The following NRG3 variants were observed in gnomAD, a reference collection of about 807,000 sequenced individuals.
The protein encoded by NRG3 is neuregulin 3.
NRG3 carries 31 observed loss-of-function variants against 66.9 expected under a neutral mutation model. The ratio of observed to expected loss-of-function variants is 0.46; its 90% CI spans 0.35 to 0.63. NRG3 has a LOEUF of 0.63. NRG3 is among the 20% of genes least tolerant of loss of function. NRG3 has a pLI of 0.00. For missense variants in NRG3, 910 were observed against 878.9 expected, an observed-to-expected ratio of 1.04 and a Z score of -0.45; for synonymous variants, 393 against 359.4, an observed-to-expected ratio of 1.09 and a Z score of -1.06.
chr10:82,981,554 G>C (rs1050322387), intron 8 of NRG3, among the ~76,000 whole-genome samples: 1 of 152,308 alleles, frequency 6.6e-6, no homozygotes, highest in South Asian at 2.1e-4. Flanking sequence ...GAATTTGCAA[G>C]AGCCATCAGC....
chr10:82,381,626 A>T (rs527374823), intron 2 of NRG3, among the ~76,000 whole-genome samples: 1 of 151,950 alleles, frequency 6.6e-6, no homozygotes, highest in Non-Finnish European at 1.5e-5. Flanking sequence ...TCAATATTTT[A>T]CTCTATTTGT....
intron 2 of NRG3, among the ~76,000 whole-genome samples, chr10:82,458,628 A>G (rs2091377047): frequency 6.6e-6 from 1 of 152,230 alleles, no homozygotes; most frequent in African/African-American, 2.4e-5. Context: ...GAAGGACACA[A>G]AGAACAGTGA....
At chr10:82,470,745 G>A (rs1451842387) in intron 2 of NRG3, among the ~76,000 whole-genome samples, 1 of 152,200 alleles carries the variant, frequency 6.6e-6, no homozygotes, top group Non-Finnish European at 1.5e-5. Flanking sequence ...TCCTGCCTGG[G>A]TTCAGCTCAG....
intron 4 of NRG3, among the ~76,000 whole-genome samples, chr10:82,894,574 G>A (rs1269005413): frequency 8.2e-6 from 1 of 121,418 alleles, no homozygotes; most frequent in Non-Finnish European, 1.8e-5. Flanking sequence ...TGTACTTAGA[G>A]TCCTTTAACT....
intron 2 of NRG3, among the ~76,000 whole-genome samples, chr10:82,706,780 T>A (rs75806333): frequency 0.051 from 7,701 of 151,996 alleles, 229 homozygotes; most frequent in South Asian, 0.086. Context: ...GATCACTTGA[T>A]GTCAGGGGTT....
chr10:82,271,916 C>T (rs558909620), intron 1 of NRG3, among the ~76,000 whole-genome samples: 1 of 152,002 alleles, frequency 6.6e-6, no homozygotes, highest in Non-Finnish European at 1.5e-5. Context: ...TTTATTCGTT[C>T]AACAAATATT....
At chr10:82,330,477 A>T (rs996686655) in intron 1 of NRG3, among the ~76,000 whole-genome samples, 1 of 152,028 alleles carries the variant, frequency 6.6e-6, no homozygotes, top group Non-Finnish European at 1.5e-5. Context: ...CCACTGTATG[A>T]CTCCAAATGT....
At chr10:82,163,723 G>GC (rs2071792693) in intron 1 of NRG3, among the ~76,000 whole-genome samples, 1 of 152,094 alleles carries the variant, frequency 6.6e-6, no homozygotes, top group African/African-American at 2.4e-5. Context: ...CCTGATTGAG[G>GC]CTAGGACCTT....
At chr10:82,107,089 A>G (rs1355830949) in intron 1 of NRG3, among the ~76,000 whole-genome samples, 1 of 152,178 alleles carries the variant, frequency 6.6e-6, no homozygotes, top group East Asian at 1.9e-4. Flanking sequence ...TATTTGAAAT[A>G]TTTTGGGACC....
chr10:81,936,042 C>T (rs1327017263), intron 1 of NRG3, among the ~76,000 whole-genome samples: 1 of 151,998 alleles, frequency 6.6e-6, no homozygotes, highest in Non-Finnish European at 1.5e-5. Flanking sequence ...TATGGTCCTG[C>T]CTGTGTTCAC....
chr10:82,326,830 A>C (rs1309083371), intron 1 of NRG3, among the ~76,000 whole-genome samples: 1 of 152,116 alleles, frequency 6.6e-6, no homozygotes, highest in Non-Finnish European at 1.5e-5. Context: ...ATCACCTTTA[A>C]TGTATGTAAT....
chr10:82,699,906 C>G (rs892677550), intron 2 of NRG3, among the ~76,000 whole-genome samples: 2 of 151,790 alleles, frequency 1.3e-5, no homozygotes, highest in African/African-American at 4.8e-5. Flanking sequence ...AGCATGATTT[C>G]TAACATACAC....
At chr10:82,389,517 C>A (rs2086216560) in intron 2 of NRG3, among the ~76,000 whole-genome samples, 1 of 152,102 alleles carries the variant, frequency 6.6e-6, no homozygotes, top group African/African-American at 2.4e-5. Context: ...CAACAAGTAT[C>A]CCACATATAT....
At chr10:82,176,652 C>T (rs986495934) in intron 1 of NRG3, among the ~76,000 whole-genome samples, 1 of 152,050 alleles carries the variant, frequency 6.6e-6, no homozygotes, top group Non-Finnish European at 1.5e-5. Context: ...GTACCTTCTG[C>T]ACTCTACAGG....
At chr10:82,191,830 TAAG>T (rs1374348844) in intron 1 of NRG3, among the ~76,000 whole-genome samples, 4 of 152,182 alleles carry the variant, frequency 2.6e-5, no homozygotes, top group Non-Finnish European at 5.9e-5. Flanking sequence ...TGTGACCCAC[TAAG>T]AAGGATTGAT....
intron 1 of NRG3, among the ~76,000 whole-genome samples, chr10:81,904,942 C>T (rs1844441997): frequency 1.3e-5 from 2 of 151,922 alleles, no homozygotes; most frequent in South Asian, 2.1e-4. Flanking sequence ...GCAGTAAGTG[C>T]TGAAAAAAAT....
rs1403681204 is a variant in NRG3, at chr10:82,985,624, G to C, written c.*19G>C. ...CAAGTGACTTGAGATGTAGGAATCT[G>C]TGCATTCTATGCTTTGCTCAACAGG... is the stretch of plus-strand genomic sequence containing the variant. On this transcript the variant is annotated 3_prime_UTR_variant, in exon 9 of 9. Coordinates refer to ENST00000372141, the MANE Select transcript of NRG3 (RefSeq NM_001010848.4). 7 of 1,599,756 alleles carry C rather than the reference G, an allele frequency of 4.4e-6. No homozygotes were observed. The highest frequency in any genetic ancestry group is 5.1e-6 in the Non-Finnish European group (6 of 1,176,482).
At chr10:82,557,061 T>C (rs1358290605) in intron 2 of NRG3, among the ~76,000 whole-genome samples, 1 of 152,210 alleles carries the variant, frequency 6.6e-6, no homozygotes, top group African/African-American at 2.4e-5. Flanking sequence ...TGAGGTTGAT[T>C]CCATGTCTTT....
chr10:82,400,185 A>G (rs1000379140), intron 2 of NRG3, among the ~76,000 whole-genome samples: 1 of 152,198 alleles, frequency 6.6e-6, no homozygotes, highest in Non-Finnish European at 1.5e-5. Flanking sequence ...TTATCTAGTA[A>G]TAAACAGCAT....
Sources: gnomAD v4.1 joint callset for allele counts (sites outside exome capture counted in the v4.1 genomes callset) on GRCh38, gnomAD v4.1.1 for gene constraint, MANE v1.5 for transcripts, NCBI Gene and HGNC (gene_info 2026-07-23, HGNC 2026-07-21) for gene names.